Variants in NCALD observed in about 807,000 individuals in gnomAD.
NCALD encodes the protein neurocalcin delta.
A neutral mutation model predicts 18.6 loss-of-function variants in NCALD; 10 were observed. That is an observed-to-expected ratio of 0.54 (90% CI 0.33 to 0.91). The LOEUF is 0.91. Among genes scored for constraint, NCALD ranks in the 40% least tolerant of loss-of-function variants. The pLI is 0.03. For synonymous variants in NCALD, 88 were observed against 87.4 expected, an observed-to-expected ratio of 1.01 and a Z score of -0.04; for missense variants, 184 against 247.6, an observed-to-expected ratio of 0.74 and a Z score of 1.72.
chr8:101,732,845 C>G (rs755901726), intron 1 of NCALD, among the ~76,000 whole-genome samples: 1 of 152,160 alleles, frequency 6.6e-6, no homozygotes, highest in African/African-American at 2.4e-5. Context: ...CTCAAGTGAT[C>G]TGCCTGCTCC....
At chr8:102,024,525 T>C (rs532738751) in intron 1 of NCALD, among the ~76,000 whole-genome samples, 113 of 152,314 alleles carry the variant, frequency 7.4e-4, no homozygotes, top group Admixed American at 2.0e-3. Context: ...ACACCATCGA[T>C]TGTCCAAAAC....
intron 1 of NCALD, among the ~76,000 whole-genome samples, chr8:101,745,035 T>A (rs1249469352): frequency 5.2e-5 from 1 of 19,158 alleles, no homozygotes; most frequent in Non-Finnish European, 1.0e-4. Flanking sequence ...CAAGCATTTC[T>A]GGGGGGTAGG....
intron 4 of NCALD, among the ~76,000 whole-genome samples, chr8:101,806,446 T>A (rs565281302): frequency 3.9e-5 from 6 of 152,214 alleles, no homozygotes; most frequent in African/African-American, 1.4e-4. Context: ...AAAATCATAC[T>A]TTATGAAGTA....
intron 2 of NCALD, among the ~76,000 whole-genome samples, chr8:101,950,662 G>A (rs576908758): frequency 6.6e-6 from 1 of 152,204 alleles, no homozygotes; most frequent in African/African-American, 2.4e-5. Context: ...CTGAGCTTGG[G>A]CTATAAAAGA....
At chr8:101,820,933 G>T (rs1445803011) in intron 4 of NCALD, among the ~76,000 whole-genome samples, 1 of 152,174 alleles carries the variant, frequency 6.6e-6, no homozygotes. Flanking sequence ...ACCAAATGGG[G>T]ACATTTTAAT....
At chr8:101,956,271 A>C (rs1819619479) in intron 2 of NCALD, among the ~76,000 whole-genome samples, 1 of 152,190 alleles carries the variant, frequency 6.6e-6, no homozygotes, top group Admixed American at 6.5e-5. Flanking sequence ...AGAAAATCTC[A>C]GGCTGGTTAC....
In NCALD at chr8:101,995,955, C is replaced by G. The variant is rs188672746; in HGVS notation, c.-157+24282G>C. On this transcript the variant is annotated intron_variant, in intron 2 of 6. Coordinates refer to the NCALD transcript ENST00000311028. ...ATAGATATTCTTCCCAAGCTTCCAC[C>G]TGTTGAAATGCCCCACACCTCTCCA... Among the ~76,000 whole-genome samples, 286 of 152,350 alleles carry G rather than the reference C, an allele frequency of 1.9e-3. 2 individuals are homozygous for G. Among genetic ancestry groups the G allele is most frequent in the African/African-American group, 6.8e-3 (281 of 41,588 alleles).
At chr8:101,824,023 G>A (rs572293783) in intron 4 of NCALD, among the ~76,000 whole-genome samples, 1 of 152,118 alleles carries the variant, frequency 6.6e-6, no homozygotes, top group Admixed American at 6.5e-5. Context: ...CAATTATCCT[G>A]AACAAAATGT....
intron 1 of NCALD, among the ~76,000 whole-genome samples, chr8:102,028,762 GCCCC>G (rs1255792204): frequency 6.6e-6 from 1 of 152,150 alleles, no homozygotes; most frequent in East Asian, 1.9e-4. Flanking sequence ...GTATGATGCA[GCCCC>G]AACCTTCTGG....
chr8:101,700,861 C>T lies in NCALD; in HGVS notation c.379-7965G>A, dbSNP rs143592900. 1.6e-3 allele frequency among the ~76,000 whole-genome samples: 245 copies of T among 152,256 alleles called. 2 individuals are homozygous for T. The highest frequency in any genetic ancestry group is 5.6e-3 in the African/African-American group (234 of 41,540). The stretch of plus-strand genomic sequence containing the variant: ...CAAAATGAACGGCGTCCGAAGTCCC[C>T]GATGTGAACATATGTGCAAGCAGGG... On this transcript the variant is annotated intron_variant, in intron 2 of 3. Coordinates refer to ENST00000220931, the MANE Select transcript of NCALD (RefSeq NM_032041.3).
intron 2 of NCALD, among the ~76,000 whole-genome samples, chr8:101,963,412 A>G (rs1212466928): frequency 1.3e-5 from 2 of 152,014 alleles, no homozygotes; most frequent in East Asian, 3.9e-4. Context: ...ATGGCACTAG[A>G]CTTCCCACTT....
At chr8:101,710,626 TCA>T (rs1301957215) in intron 2 of NCALD, among the ~76,000 whole-genome samples, 1 of 152,218 alleles carries the variant, frequency 6.6e-6, no homozygotes, top group Non-Finnish European at 1.5e-5. Context: ...GTTTTCCCCC[TCA>T]CAGTGTAAAC....
intron 2 of NCALD, among the ~76,000 whole-genome samples, chr8:101,953,674 T>C (rs1240787641): frequency 1.3e-5 from 2 of 152,216 alleles, no homozygotes; most frequent in Admixed American, 1.3e-4. Context: ...TTCAGTGAGA[T>C]GGAAGGAGAG....
Position 102,082,224 on chromosome 8 carries a change from C to CTTTTT in NCALD, c.-210+42012_-210+42013insAAAAA, listed in dbSNP as rs1362023921. On this transcript the variant is annotated intron_variant, in intron 1 of 6. Coordinates refer to the NCALD transcript ENST00000311028. ...AATGGGCAGTTATTTGAGAAGCTCT[C>CTTTTT]TCTTTTTTTTTTTTTTTTTTTTTTT... Among the ~76,000 whole-genome samples, 53 of 109,458 alleles carry CTTTTT rather than the reference C, an allele frequency of 4.8e-4. 2 individuals are homozygous for CTTTTT. Among genetic ancestry groups the CTTTTT allele is most frequent in the African/African-American group, 4.9e-4 (13 of 26,506 alleles). The allele number at this position is 109,458 out of a possible 152,430, so 71.8% of individuals were successfully genotyped here.
chr8:101,958,264 C>A (rs1293973451), intron 2 of NCALD, among the ~76,000 whole-genome samples: 3 of 152,154 alleles, frequency 2.0e-5, no homozygotes, highest in Non-Finnish European at 2.9e-5. Context: ...TCAAATCACA[C>A]AATTACATCT....
At chr8:101,936,586 G>A (rs563397147) in intron 2 of NCALD, among the ~76,000 whole-genome samples, 1 of 152,248 alleles carries the variant, frequency 6.6e-6, no homozygotes, top group Non-Finnish European at 1.5e-5. Context: ...TCAGGGTAGA[G>A]GTTCTTAACC....
chr8:101,814,185 C>T (rs1368805175), intron 4 of NCALD, among the ~76,000 whole-genome samples: 2 of 151,810 alleles, frequency 1.3e-5, no homozygotes, highest in Non-Finnish European at 2.9e-5. Context: ...TAGTACCAAA[C>T]CCAAAGACAT....
At chr8:102,017,115 T>C (rs1458281406) in intron 2 of NCALD, among the ~76,000 whole-genome samples, 2 of 152,104 alleles carry the variant, frequency 1.3e-5, no homozygotes, top group Non-Finnish European at 2.9e-5. Flanking sequence ...ATGCAAGAGC[T>C]GTCAAACAGT....
At chr8:101,761,712 C>G (rs191019835) in intron 1 of NCALD, among the ~76,000 whole-genome samples, 1 of 152,288 alleles carries the variant, frequency 6.6e-6, no homozygotes, top group Admixed American at 6.5e-5. Flanking sequence ...TCCCCTTCTT[C>G]CTTTTAGTAA....
Sources: allele counts gnomAD v4.1 joint callset (sites outside exome capture counted in the v4.1 genomes callset), GRCh38; gene constraint gnomAD v4.1.1; transcripts MANE v1.5; gene names NCBI Gene and HGNC (gene_info 2026-07-23, HGNC 2026-07-21).